Variants in PPP1R1C observed in about 807,000 individuals in gnomAD.
PPP1R1C encodes the protein protein phosphatase 1 regulatory subunit 1C.
A neutral mutation model predicts 17.4 loss-of-function variants in PPP1R1C; 15 were observed. That is an observed-to-expected ratio of 0.86 (90% CI 0.58 to 1.33). The LOEUF (loss-of-function observed/expected upper bound fraction) is 1.33. Among genes scored for constraint, PPP1R1C ranks in the 40% most tolerant of loss-of-function variants. The pLI is 0.00. For synonymous variants in PPP1R1C, 35 were observed against 43.1 expected, an observed-to-expected ratio of 0.81 and a Z score of 0.73; for missense variants, 143 against 130.0, an observed-to-expected ratio of 1.10 and a Z score of -0.48.
intron 5 of PPP1R1C, among the ~76,000 whole-genome samples, chr2:182,123,133 T>G (rs6707201): frequency 0.36 from 55,435 of 152,052 alleles, 10,771 homozygotes; most frequent in Non-Finnish European, 0.43. Flanking sequence ...GTTAGTTTGC[T>G]CAGAATGATG....
chr2:182,092,618 A>G (rs1478100698), intron 4 of PPP1R1C, among the ~76,000 whole-genome samples: 1 of 152,220 alleles, frequency 6.6e-6, no homozygotes, highest in Non-Finnish European at 1.5e-5. Flanking sequence ...TATACTTCCT[A>G]GATCTAATGG....
chr2:181,992,928 C>T (rs1421957996), intron 2 of PPP1R1C, among the ~76,000 whole-genome samples: 1 of 152,060 alleles, frequency 6.6e-6, no homozygotes, highest in African/African-American at 2.4e-5. Flanking sequence ...TTAGAGAGAA[C>T]TGAGATGTGC....
At chr2:182,034,525 AT>A (rs1266985946) in intron 2 of PPP1R1C, among the ~76,000 whole-genome samples, 2 of 152,232 alleles carry the variant, frequency 1.3e-5, no homozygotes, top group African/African-American at 4.8e-5. Context: ...AAAAAGCAGC[AT>A]GACATGACAC....
chr2:182,068,162 A>G lies in PPP1R1C; in HGVS notation c.241+4371A>G, dbSNP rs748849003. Among the ~76,000 whole-genome samples, 36 of 152,176 alleles carry G rather than the reference A, an allele frequency of 2.4e-4. 2 individuals are homozygous for G. Among genetic ancestry groups the G allele is most frequent in the Admixed American group, 1.7e-3 (26 of 15,276 alleles). ...AAGTGATTTCATCCTAGTATCTGCA[A>G]CTTTCACAGGATTAGCCTGTCTCAC... On this transcript the variant is annotated intron_variant, in intron 4 of 4. Transcript: ENST00000682840.
intron 2 of PPP1R1C, among the ~76,000 whole-genome samples, chr2:182,008,355 T>C (rs943005058): frequency 6.6e-6 from 1 of 150,662 alleles, no homozygotes; most frequent in Non-Finnish European, 1.5e-5. Context: ...TGGCTTACAA[T>C]AAAAAAAAAC....
chr2:182,094,324 C>T (rs887781394), intron 4 of PPP1R1C, among the ~76,000 whole-genome samples: 2 of 152,096 alleles, frequency 1.3e-5, no homozygotes, highest in Non-Finnish European at 2.9e-5. Flanking sequence ...TCCCACAACA[C>T]GTGGGAATTA....
intron 2 of PPP1R1C, among the ~76,000 whole-genome samples, chr2:181,991,711 C>A (rs1481365036): frequency 1.3e-5 from 2 of 152,156 alleles, no homozygotes; most frequent in African/African-American, 2.4e-5. Context: ...ACCTTTGTAG[C>A]AAACTGCCTC....
chr2:182,088,832 C>T (rs1179169515), intron 4 of PPP1R1C, among the ~76,000 whole-genome samples: 1 of 152,170 alleles, frequency 6.6e-6, no homozygotes, highest in Non-Finnish European at 1.5e-5. Flanking sequence ...GTAGCAAGCA[C>T]ACTATAAATA....
chr2:182,107,951 A>G (rs899205517), intron 4 of PPP1R1C, among the ~76,000 whole-genome samples: 1 of 151,852 alleles, frequency 6.6e-6, no homozygotes, highest in Non-Finnish European at 1.5e-5. Flanking sequence ...GTTGTGCAAT[A>G]TAGCTATCCC....
At chr2:182,024,347 G>C (rs1029214266) in intron 2 of PPP1R1C, among the ~76,000 whole-genome samples, 1 of 151,974 alleles carries the variant, frequency 6.6e-6, no homozygotes, top group African/African-American at 2.4e-5. Context: ...AAAAATTTAA[G>C]GGTTACAAAA....
At chr2:181,999,759 T>C (rs1685707562) in intron 2 of PPP1R1C, among the ~76,000 whole-genome samples, 1 of 151,860 alleles carries the variant, frequency 6.6e-6, no homozygotes, top group Non-Finnish European at 1.5e-5. Context: ...ATACTAGATA[T>C]TTTATTCTAT....
chr2:182,062,979 G>A (rs1031058070), intron 3 of PPP1R1C, among the ~76,000 whole-genome samples: 26 of 152,142 alleles, frequency 1.7e-4, no homozygotes, highest in African/African-American at 5.8e-4. Context: ...GGCATTTTCC[G>A]ATTGGGGGTT....
chr2:182,124,434 A>C (rs1304543334), intron 5 of PPP1R1C, among the ~76,000 whole-genome samples: 1 of 149,884 alleles, frequency 6.7e-6, no homozygotes, highest in Non-Finnish European at 1.5e-5. Flanking sequence ...TTCTATGAAG[A>C]AAGTCAATGG....
At chr2:182,130,360 C>A (rs1689976836), downstream of PPP1R1C, 1 of 152,232 alleles carries the variant, frequency 6.6e-6, no homozygotes, top group Non-Finnish European at 1.5e-5. Flanking sequence ...GATATTAGAT[C>A]ATTGAAAGGA....
At chr2:182,036,179 C>G (rs1248598736) in intron 2 of PPP1R1C, among the ~76,000 whole-genome samples, 1 of 152,158 alleles carries the variant, frequency 6.6e-6, no homozygotes, top group Non-Finnish European at 1.5e-5. Context: ...TTCTTACAAT[C>G]TCTGTAACTC....
At chr2:182,069,817 T>A (rs1002870577) in intron 4 of PPP1R1C, among the ~76,000 whole-genome samples, 4 of 152,220 alleles carry the variant, frequency 2.6e-5, no homozygotes, top group African/African-American at 9.6e-5. Context: ...GGGAAAAAGA[T>A]AAACTTTTGC....
At chr2:181,960,696 G>T (rs1186281728) in intron 1 of PPP1R1C, among the ~76,000 whole-genome samples, 1 of 152,122 alleles carries the variant, frequency 6.6e-6, no homozygotes, top group Non-Finnish European at 1.5e-5. Flanking sequence ...TCCTTTTTAT[G>T]CAGTCTCTCC....
chr2:182,031,800 T>C lies in PPP1R1C; in HGVS notation c.143-29642T>C, dbSNP rs994091. Among the ~76,000 whole-genome samples, 85 of 152,344 alleles carry C rather than the reference T, an allele frequency of 5.6e-4. No homozygotes were observed. In the South Asian group the frequency reaches 0.01, roughly 18 times the overall value. On this transcript the variant is annotated intron_variant, in intron 2 of 4. Transcript: ENST00000682840. ...AATTTATGGTTTATATATTCTACTA[T>C]GAGTAATTCTACTACTTAGCCAAAC...
At chr2:182,082,785 T>C (rs935830054) in intron 4 of PPP1R1C, among the ~76,000 whole-genome samples, 10 of 152,184 alleles carry the variant, frequency 6.6e-5, no homozygotes, top group Admixed American at 5.2e-4. Flanking sequence ...AGGGCATCCT[T>C]TCCTGTGTTG....
Sources: gnomAD v4.1 joint callset for allele counts (sites outside exome capture counted in the v4.1 genomes callset) on GRCh38, gnomAD v4.1.1 for gene constraint, MANE v1.5 for transcripts, NCBI Gene and HGNC (gene_info 2026-07-23, HGNC 2026-07-21) for gene names.